Variants in ZNF469 observed in about 807,000 individuals in gnomAD.
The protein encoded by ZNF469 is zinc finger protein 469.
ZNF469 carries 1 observed loss-of-function variant against 1.0 expected under a neutral mutation model. The observed-to-expected ratio is 1.00, with a 90% CI of 0.35 to 4.73. The LOEUF (loss-of-function observed/expected upper bound fraction) is 4.73, where lower values mean the gene tolerates loss of function less well. Among genes scored for constraint, ZNF469 ranks in the 30% most tolerant of loss-of-function variants. The pLI is 0.16. For synonymous variants in ZNF469, 2,703 were observed against 2,363.4 expected (o/e 1.14, Z -4.17); for missense variants, 6,100 against 5,356.3 (o/e 1.14, Z -4.33).
At chr16:88,416,979 G>T (rs1044274450) in intron 1 of ZNF469, among the ~76,000 whole-genome samples, 1 of 152,236 alleles carries the variant, frequency 6.6e-6, no homozygotes, top group African/African-American at 2.4e-5. Context: ...GTCCTCCTGG[G>T]GTCCCGTGGA....
At chr16:88,135,750 T>TTTATTC in the ZNF469 span, among the ~76,000 whole-genome samples, 2 of 46,340 alleles carry the variant, frequency 4.3e-5, 1 homozygote, top group Non-Finnish European at 6.6e-5. Flanking sequence ...CTGGCCATGT[T>TTTATTC]TTTTTTTTTT....
the ZNF469 span, among the ~76,000 whole-genome samples, chr16:88,321,868 G>A: frequency 6.6e-6 from 1 of 152,248 alleles, no homozygotes; most frequent in Non-Finnish European, 1.5e-5. Context: ...TGATGGCCAA[G>A]GCCAGTGCCT....
the ZNF469 span, among the ~76,000 whole-genome samples, chr16:88,216,311 C>T: frequency 6.6e-5 from 10 of 152,028 alleles, no homozygotes; most frequent in South Asian, 2.1e-4. Flanking sequence ...CTGGCTAACA[C>T]GATGAAACCC....
rs771223271 is a variant in ZNF469, at chr16:88,433,863, C to A, written c.6393C>A (p.Pro2131=). The part of the protein sequence containing the change: ...AHMPCSLGPL[P]REDPLTSPSR... The stretch of plus-strand genomic sequence containing the variant: ...TGCCCTGCAGCCTTGGGCCCCTGCC[C>A]CGTGAAGACCCACTTACCTCGCCTT... Residue 2131 remains proline (P), a synonymous_variant, in exon 3 of 3, where the codon CCC becomes CCA. Transcript: ENST00000565624. 3.2e-6 allele frequency: 5 copies of A among 1,549,240 alleles called. No individual in the cohort carries two copies. The highest frequency in any genetic ancestry group is 4.4e-6 in the Non-Finnish European group (5 of 1,146,330).
At chr16:88,243,952 A>ATATATAT in the ZNF469 span, among the ~76,000 whole-genome samples, 4 of 121,204 alleles carry the variant, frequency 3.3e-5, no homozygotes, top group Non-Finnish European at 5.1e-5. Flanking sequence ...ATATATATAT[A>ATATATAT]AATGTATGTG....
the ZNF469 span, among the ~76,000 whole-genome samples, chr16:88,342,842 G>T: frequency 1.3e-5 from 2 of 152,224 alleles, no homozygotes; most frequent in East Asian, 3.9e-4. Flanking sequence ...GGCGATACCC[G>T]TCAAGCCCTT....
In ZNF469 at chr16:88,428,633, A is replaced by G. The variant is rs1374581564; in HGVS notation, c.1163A>G (p.Gln388Arg). 11 of 1,550,086 alleles carry G rather than the reference A, an allele frequency of 7.1e-6. No homozygotes were observed. Among genetic ancestry groups the G allele is most frequent in the South Asian group, 2.4e-5 (2 of 84,068 alleles). The change falls in exon 3 of 3, where the codon CAG (glutamine) becomes CGG (arginine). Residue 388 changes from glutamine (Q) to arginine (R), a missense_variant. Gln to Arg is a conservative substitution (Grantham distance 43, BLOSUM62 1). Transcript: ENST00000565624. ...CTTCCCGAAAGACCACCTTCAGCCC[A>G]GGATGGGCTGGGGAGCACGAGAGGG... ...KILPERPPSA[Q>R]DGLGSTRGPP... is the part of the protein sequence containing the mutation.
the ZNF469 span, among the ~76,000 whole-genome samples, chr16:88,315,735 A>C: frequency 1.5e-4 from 23 of 152,190 alleles, no homozygotes; most frequent in African/African-American, 5.1e-4. Context: ...CCCAGGGTTC[A>C]AAGGACAGCC....
the ZNF469 span, among the ~76,000 whole-genome samples, chr16:88,174,436 G>A: frequency 6.6e-6 from 1 of 151,280 alleles, no homozygotes; most frequent in Admixed American, 6.6e-5. Flanking sequence ...CAGTCAGAGT[G>A]TAACCAGAGG....
chr16:88,169,876 C>G, the ZNF469 span, among the ~76,000 whole-genome samples: 83 of 152,352 alleles, frequency 5.4e-4, no homozygotes, highest in African/African-American at 1.9e-3. This position sits in a 1 kb window ranked among gnomAD's most constrained non-coding sequence, Gnocchi z 6.1. Flanking sequence ...ACCAGTCTCT[C>G]TGGGGTCGGC....
chr16:88,205,438 G>A, the ZNF469 span, among the ~76,000 whole-genome samples: 26 of 152,304 alleles, frequency 1.7e-4, no homozygotes, highest in East Asian at 7.7e-4. The surrounding 1 kb of genome is among the most constrained non-coding windows in gnomAD (Gnocchi z 4.2). Flanking sequence ...TTGAGAAGGC[G>A]TTTTTAAGGA....
the ZNF469 span, among the ~76,000 whole-genome samples, chr16:88,130,311 C>T: frequency 6.6e-6 from 1 of 152,002 alleles, no homozygotes; most frequent in South Asian, 2.1e-4. Context: ...CGCAGACAGC[C>T]GGTATAGTCA....
the ZNF469 span, among the ~76,000 whole-genome samples, chr16:88,267,607 G>A: frequency 6.6e-6 from 1 of 152,260 alleles, no homozygotes; most frequent in Admixed American, 6.5e-5. Flanking sequence ...CTCCCTCTGG[G>A]GCAGGCTGGC....
the ZNF469 span, among the ~76,000 whole-genome samples, chr16:88,161,283 C>G: frequency 9.2e-5 from 14 of 152,180 alleles, no homozygotes; most frequent in Non-Finnish European, 1.5e-4. Flanking sequence ...AACGTTCTCC[C>G]TAAACGGTGA....
chr16:88,427,633 G>A lies in ZNF469; in HGVS notation c.163G>A (p.Ala55Thr). The change falls in exon 3 of 3, where the codon GCC (alanine) becomes ACC (threonine). Residue 55 changes from alanine to threonine, a missense_variant. By Grantham distance (58) the Ala-to-Thr change is moderately conservative (BLOSUM62 0). Coordinates refer to ENST00000565624, the MANE Select transcript of ZNF469 (RefSeq NM_001367624.2). ...GGGTGCCAGGGAGGCTGGCGGCCAG[G>A]CCCAGGCCATGGAGCTCCCCGAGGC... ...TKGAREAGGQAQAMELPEAQP... is the reference protein window; with the variant it reads ...TKGAREAGGQTQAMELPEAQP... 2 of 1,537,274 alleles carry A rather than the reference G, an allele frequency of 1.3e-6. No homozygotes were observed. Among genetic ancestry groups the A allele is most frequent in the Non-Finnish European group, 1.7e-6 (2 of 1,146,384 alleles).
chr16:88,331,106 CA>C, the ZNF469 span, among the ~76,000 whole-genome samples: 1 of 151,456 alleles, frequency 6.6e-6, no homozygotes, highest in African/African-American at 2.4e-5. Context: ...CCATTGTCAC[CA>C]TCGCCACCAC....
chr16:88,172,820 A>C, the ZNF469 span, among the ~76,000 whole-genome samples: 5 of 152,260 alleles, frequency 3.3e-5, no homozygotes. Flanking sequence ...ACCTGAAATG[A>C]AAAATACACT....
At chr16:88,219,474 A>G in the ZNF469 span, among the ~76,000 whole-genome samples, 2 of 143,790 alleles carry the variant, frequency 1.4e-5, no homozygotes. Flanking sequence ...GCATATCTAC[A>G]ACTATCTGAT....
At chr16:88,279,519 A>G in the ZNF469 span, among the ~76,000 whole-genome samples, 65 of 111,566 alleles carry the variant, frequency 5.8e-4, no homozygotes, top group South Asian at 1.0e-3. Flanking sequence ...GCTGTGCCAC[A>G]CTGACACTCG....
Sources: gnomAD v4.1 joint callset for allele counts (sites outside exome capture counted in the v4.1 genomes callset) on GRCh38, gnomAD v4.1.1 for gene constraint, Gnocchi (gnomAD v3.1) non-coding constraint, MANE v1.5 for transcripts, NCBI Gene and HGNC (gene_info 2026-07-23, HGNC 2026-07-21) for gene names.